The following ZIM2 variants were observed in gnomAD, a reference collection of about 807,000 sequenced individuals.
The protein encoded by ZIM2 is zinc finger imprinted 2, also known as zinc finger protein 656.
Under a neutral mutation model 38.6 loss-of-function variants are expected in ZIM2, and 14 were observed. The observed-to-expected ratio is 0.36, with a 90% CI of 0.24 to 0.57. ZIM2 has a LOEUF of 0.57. Among genes scored for constraint, ZIM2 ranks in the 20% least tolerant of loss-of-function variants. ZIM2 has a pLI of 0.81. For missense variants in ZIM2, 680 were observed against 695.1 expected, an observed-to-expected ratio of 0.98 and a Z score of 0.24; for synonymous variants, 247 against 245.8, an observed-to-expected ratio of 1.00 and a Z score of -0.04.
intron 9 of ZIM2, 40 bp from the exon 10 acceptor site, chr19:56,789,991 C>G (rs1455090861): frequency 6.8e-7 from 1 of 1,462,524 alleles, no homozygotes; most frequent in Admixed American, 2.0e-5. Context: ...TGAGTCCTGT[C>G]TGGTAGCACT....
At chr19:56,779,038 G>C (rs966101266) in intron 12 of ZIM2, among the ~76,000 whole-genome samples, 1 of 152,106 alleles carries the variant, frequency 6.6e-6, no homozygotes, top group African/African-American at 2.4e-5. Flanking sequence ...GAGGGAAAGT[G>C]GGAGGGCAGT....
intron 9 of ZIM2, among the ~76,000 whole-genome samples, chr19:56,804,926 A>G (rs1236646396): frequency 2.0e-5 from 3 of 152,194 alleles, no homozygotes; most frequent in African/African-American, 4.8e-5. Context: ...GGCAGAGGCA[A>G]TATTTGTGAC....
In ZIM2 at chr19:56,775,236, G is replaced by T. The variant is rs776049592; in HGVS notation, c.1129C>A (p.His377Asn). ...TFSTQVALRR[H>N]ERIHTGKKPY... Reference sequence around the variant, plus strand: ...TTCTTCCCAGTATGGATCCGTTCGTGTCTCCTAAGGGCTACTTGCGTACTA... The same window carrying T: ...TTCTTCCCAGTATGGATCCGTTCGTTTCTCCTAAGGGCTACTTGCGTACTA... The change falls in exon 13 of 13, where the codon CAC (histidine) becomes AAC (asparagine). Residue 377 changes from histidine (H) to asparagine (N), a missense_variant. Physicochemically the swap from His to Asn is moderately conservative, Grantham distance 68. Transcript: ENST00000629319. The T allele has an allele frequency of 5.6e-6, 9 of 1,614,138 alleles. No individual in the cohort carries two copies. In the South Asian group the frequency reaches 9.9e-5, roughly 18 times the overall value.
chr19:56,815,198 C>T, intron 9 of ZIM2: 3 of 1,614,020 alleles, frequency 1.9e-6, no homozygotes, highest in South Asian at 2.2e-5. Flanking sequence ...TCAATTGTCT[C>T]CTGACCATGG....
chr19:56,822,770 G>C lies in ZIM2; in HGVS notation c.173C>G (p.Thr58Ser). The stretch of plus-strand genomic sequence containing the variant: ...AGACTCACTGCTTCTTGGGTTCCTG[G>C]TGTGGGACCAGCGGTCTCGTGGCTC... ...DMEPRDRWSH[T>S]RNPRSRMPPR... The change falls in exon 6 of 13, where the codon ACC (threonine) becomes AGC (serine). Residue 58 changes from threonine (T) to serine (S), a missense_variant. By Grantham distance (58) the Thr-to-Ser change is moderately conservative. Transcript: ENST00000629319. 1 of 1,614,122 alleles carries C rather than the reference G, an allele frequency of 6.2e-7. No homozygotes were observed. The highest frequency in any genetic ancestry group is 1.1e-5 in the South Asian group (1 of 91,048).
intron 9 of ZIM2, chr19:56,790,951 C>G (rs2046901850): frequency 6.6e-6 from 1 of 152,076 alleles, no homozygotes; most frequent in South Asian, 2.1e-4. Flanking sequence ...AGACAACCAC[C>G]CCTTTCCCTC....
At chr19:56,797,211 G>A (rs1199948320) in intron 9 of ZIM2, among the ~76,000 whole-genome samples, 1 of 152,144 alleles carries the variant, frequency 6.6e-6, no homozygotes, top group Non-Finnish European at 1.5e-5. Flanking sequence ...AGCTACTCAG[G>A]AGGCTGAGGC....
rs868622330 is a variant in ZIM2, at chr19:56,824,388, C to T, written c.-111G>A. ...ATGATGGTCAGGTACTGCTCAAGGA[C>T]CAAGAGCTCGATGATCTCCTCCTTG... is the stretch of plus-strand genomic sequence containing the variant. On this transcript the variant is annotated 5_prime_UTR_variant, in exon 4 of 13. Coordinates refer to ENST00000629319, the MANE Select transcript of ZIM2 (RefSeq NM_001387356.1). The T allele has an allele frequency of 6.2e-7, 1 of 1,614,116 alleles. No homozygotes were observed. Among genetic ancestry groups the T allele is most frequent in the Non-Finnish European group, 8.5e-7 (1 of 1,180,024 alleles).
intron 6 of ZIM2, among the ~76,000 whole-genome samples, chr19:56,822,147 A>G (rs184057431): frequency 1.0e-3 from 158 of 152,276 alleles, no homozygotes; most frequent in African/African-American, 3.7e-3. Flanking sequence ...AACAATGCCT[A>G]TTGTGTTGTG....
Position 56,814,643 on chromosome 19 carries a change from A to G in ZIM2, c.490+3103T>C, listed in dbSNP as rs1347842620. On this transcript the variant is annotated intron_variant, in intron 9 of 12. Transcript: ENST00000629319. This position sits in a 1 kb window ranked among gnomAD's most constrained non-coding sequence, Gnocchi z 5.8. ...CTTCTCTGAAACTCAGTGAGGGCTA[A>G]GCCTGGAATGATAGCTTCCTCAGCC... 2 of 1,614,174 alleles carry G rather than the reference A, an allele frequency of 1.2e-6. No homozygotes were observed. The highest frequency in any genetic ancestry group is 1.7e-6 in the Non-Finnish European group (2 of 1,180,022).
At chr19:56,838,895 G>A (rs982858172) in intron 1 of ZIM2, among the ~76,000 whole-genome samples, 3 of 152,124 alleles carry the variant, frequency 2.0e-5, no homozygotes, top group East Asian at 1.9e-4. Context: ...AACCGCAGCC[G>A]CCCCGATCAA....
intron 9 of ZIM2, among the ~76,000 whole-genome samples, chr19:56,797,091 G>T (rs1042385225): frequency 6.6e-6 from 1 of 152,084 alleles, no homozygotes; most frequent in African/African-American, 2.4e-5. Flanking sequence ...GCAGGCAGAT[G>T]ACCTGAGGTC....
At chr19:56,807,753 T>C (rs2146031485) in intron 9 of ZIM2, among the ~76,000 whole-genome samples, 1 of 151,620 alleles carries the variant, frequency 6.6e-6, no homozygotes, top group Non-Finnish European at 1.5e-5. Context: ...TTTGTGCCAC[T>C]GCACTTCAGG....
At position 56,814,174 on chromosome 19, in the gene ZIM2, T is replaced by G; in HGVS notation, c.490+3572A>C. ...CTCTGCAGCCTCTCCATCTGGCCCT[T>G]CAGCCTCTCCGTTTGGCTCAGCAGC... On this transcript the variant is annotated intron_variant, in intron 9 of 12. Coordinates refer to ENST00000629319, the MANE Select transcript of ZIM2 (RefSeq NM_001387356.1). This position sits in a 1 kb window ranked among gnomAD's most constrained non-coding sequence, Gnocchi z 5.8. 6.2e-7 allele frequency: 1 copy of G among 1,613,506 alleles called. No homozygotes were observed. Among genetic ancestry groups the G allele is most frequent in the Non-Finnish European group, 8.5e-7 (1 of 1,179,888 alleles).
At chr19:56,832,053 GTATTAAGAC>G (rs2061618365) in intron 2 of ZIM2, among the ~76,000 whole-genome samples, 1 of 152,104 alleles carries the variant, frequency 6.6e-6, no homozygotes, top group South Asian at 2.1e-4. Flanking sequence ...ACATAAACTT[GTATTAAGAC>G]TATTCATAAA....
chr19:56,813,094 C>T (rs2059649004), intron 9 of ZIM2: 1 of 984,624 alleles, frequency 1.0e-6, no homozygotes, highest in South Asian at 4.7e-5. Context: ...AGAAACAAAA[C>T]AATTACTCAA....
chr19:56,818,603 G>T lies in ZIM2; in HGVS notation c.394C>A (p.Leu132Ile). ...ACTGAGAGAAGCAGCTGCTTACCGA[G>T]GGAGAGCAGCTTCCTGTAGTTTTCC... Reference protein sequence around the residue: ...NMENYRKLLSLGVQLAEDDGH... With the variant: ...NMENYRKLLSIGVQLAEDDGH... The change falls in exon 8 of 13, where the codon CTC becomes ATC. Residue 132 changes from leucine to isoleucine, a missense_variant. Physicochemically the swap from Leu to Ile is conservative, Grantham distance 5. Coordinates refer to ENST00000629319, the MANE Select transcript of ZIM2 (RefSeq NM_001387356.1). The T allele has an allele frequency of 6.2e-7, 1 of 1,614,018 alleles. No individual in the cohort carries two copies. Among genetic ancestry groups the T allele is most frequent in the Non-Finnish European group, 8.5e-7 (1 of 1,179,956 alleles).
In ZIM2 at chr19:56,814,241, C is replaced by T; in HGVS notation, c.490+3505G>A. The T allele has an allele frequency of 1.2e-6, 2 of 1,613,438 alleles. No homozygotes were observed. Among genetic ancestry groups the T allele is most frequent in the South Asian group, 1.1e-5 (1 of 91,050 alleles). ...GCAGCCTCCACTTCTGGCTCGGCAG[C>T]CTCCACTTCTGGCTCAGCAGCCTCT... is the stretch of plus-strand genomic sequence containing the variant. On this transcript the variant is annotated intron_variant, in intron 9 of 12. Coordinates refer to ENST00000629319, the MANE Select transcript of ZIM2 (RefSeq NM_001387356.1). This position sits in a 1 kb window ranked among gnomAD's most constrained non-coding sequence, Gnocchi z 5.8.
chr19:56,807,966 A>C (rs937502485), intron 9 of ZIM2, among the ~76,000 whole-genome samples: 4 of 152,312 alleles, frequency 2.6e-5, no homozygotes, highest in Admixed American at 2.6e-4. Flanking sequence ...GACAGCAATC[A>C]AAGAAGACTT....
Sources: allele counts gnomAD v4.1 joint callset (sites outside exome capture counted in the v4.1 genomes callset), GRCh38; gene constraint gnomAD v4.1.1; non-coding constraint Gnocchi (gnomAD v3.1); transcripts MANE v1.5; gene names NCBI Gene and HGNC (gene_info 2026-07-23, HGNC 2026-07-21).